DACH1: variants seen among roughly 807,000 people sequenced by gnomAD.
The protein encoded by DACH1 is dachshund family transcription factor 1, also known as dachshund homolog 1.
Under a neutral mutation model 54.2 loss-of-function variants are expected in DACH1, and 12 were observed. The ratio of observed to expected loss-of-function variants is 0.22; its 90% CI spans 0.14 to 0.36. The LOEUF (loss-of-function observed/expected upper bound fraction) is 0.36. DACH1 is among the 10% of genes least tolerant of loss of function. DACH1 has a pLI of 1.00. For missense variants in DACH1, 805 were observed against 929.8 expected, an observed-to-expected ratio of 0.87 and a Z score of 1.75; for synonymous variants, 386 against 366.2, an observed-to-expected ratio of 1.05 and a Z score of -0.62.
At chr13:71,447,252 AC>A (rs1874547125) in intron 10 of DACH1, among the ~76,000 whole-genome samples, 1 of 152,180 alleles carries the variant, frequency 6.6e-6, no homozygotes, top group Non-Finnish European at 1.5e-5. Context: ...TTTTAATACT[AC>A]AGTTGCAACC....
intron 6 of DACH1, among the ~76,000 whole-genome samples, chr13:71,541,925 G>GT (rs397720054): frequency 0.14 from 14,918 of 105,730 alleles, 1,231 homozygotes; most frequent in Non-Finnish European, 0.17. Flanking sequence ...TATTTGCCCA[G>GT]TTTTTTTTTT....
chr13:71,627,368 C>T (rs1345096419), intron 3 of DACH1, among the ~76,000 whole-genome samples: 1 of 141,246 alleles, frequency 7.1e-6, no homozygotes, highest in Non-Finnish European at 1.5e-5. Flanking sequence ...AAATGTTTAA[C>T]AGAACTTATG....
intron 4 of DACH1, among the ~76,000 whole-genome samples, chr13:71,562,513 G>A (rs537865479): frequency 1.3e-4 from 20 of 152,118 alleles, no homozygotes; most frequent in African/African-American, 3.6e-4. Context: ...TTTGTTACAC[G>A]CTAGGATACT....
chr13:71,622,328 C>G (rs1353034190), intron 3 of DACH1, among the ~76,000 whole-genome samples: 1 of 151,786 alleles, frequency 6.6e-6, no homozygotes, highest in Non-Finnish European at 1.5e-5. Context: ...ACTACAAACA[C>G]CCTAGTAAAA....
At chr13:71,619,531 G>T (rs144635196) in intron 3 of DACH1, among the ~76,000 whole-genome samples, 1 of 151,808 alleles carries the variant, frequency 6.6e-6, no homozygotes, top group East Asian at 1.9e-4. Flanking sequence ...TAACTTAATC[G>T]TCAACATTTA....
chr13:71,560,152 ACT>A (rs999175799), intron 4 of DACH1, among the ~76,000 whole-genome samples, 197 bp from the exon 5 acceptor site: 2 of 152,188 alleles, frequency 1.3e-5, no homozygotes, highest in African/African-American at 4.8e-5. Context: ...GGTCTATGAA[ACT>A]ATGGTTCTAC....
intron 3 of DACH1, among the ~76,000 whole-genome samples, chr13:71,627,349 A>G (rs1876727386): frequency 6.6e-6 from 1 of 151,874 alleles, no homozygotes; most frequent in Non-Finnish European, 1.5e-5. Context: ...AAAAAAAAAA[A>G]AAAGCCTAAA....
At chr13:71,713,501 A>C (rs558726255) in intron 1 of DACH1, among the ~76,000 whole-genome samples, 2 of 152,278 alleles carry the variant, frequency 1.3e-5, no homozygotes, top group South Asian at 4.1e-4. Context: ...GCATTAGTAA[A>C]AAACAGATGA....
chr13:71,852,361 C>T, intron 1 of DACH1, among the ~76,000 whole-genome samples: 1 of 144,628 alleles, frequency 6.9e-6, no homozygotes, highest in South Asian at 2.1e-4. Flanking sequence ...ATTTAAAGTG[C>T]TGCTTTTTTT....
At chr13:71,769,021 A>T (rs1272037123) in intron 1 of DACH1, among the ~76,000 whole-genome samples, 2 of 151,850 alleles carry the variant, frequency 1.3e-5, no homozygotes, top group African/African-American at 4.8e-5. Context: ...TGCATTAAAC[A>T]TAGCAGTTCT....
chr13:71,575,659 T>A (rs1163009747), intron 3 of DACH1, among the ~76,000 whole-genome samples: 1 of 152,080 alleles, frequency 6.6e-6, no homozygotes, highest in Non-Finnish European at 1.5e-5. Flanking sequence ...TGTTTTTGCG[T>A]CACAGATATC....
chr13:71,723,830 A>G (rs1009289417), intron 1 of DACH1, among the ~76,000 whole-genome samples: 2 of 152,066 alleles, frequency 1.3e-5, no homozygotes, highest in African/African-American at 2.4e-5. Flanking sequence ...AGCTTGGATT[A>G]CAGGCAAGTG....
Position 71,866,192 on chromosome 13 carries a change from A to G in DACH1, c.578T>C (p.Leu193Pro), listed in dbSNP as rs1874743741. Residue 193 changes from leucine to proline, a missense_variant, in exon 1 of 11, where the codon CTG (leucine) becomes CCG (proline). Physicochemically the swap from Leu to Pro is moderately conservative, Grantham distance 98. Coordinates refer to ENST00000613252, the MANE Select transcript of DACH1 (RefSeq NM_080759.6). ...GAAGGAAGCCACTTTGGCCCCCCTC[A>G]GATCCACCATTTTGCACTCATTATT... is the stretch of plus-strand genomic sequence containing the variant. ...PQNNECKMVD[L>P]RGAKVASFTV... 6.2e-7 allele frequency: 1 copy of G among 1,612,764 alleles called. No individual in the cohort carries two copies. Among genetic ancestry groups the G allele is most frequent in the Non-Finnish European group, 8.5e-7 (1 of 1,179,436 alleles).
chr13:71,536,873 C>T (rs1378944444), intron 6 of DACH1, among the ~76,000 whole-genome samples: 3 of 152,048 alleles, frequency 2.0e-5, no homozygotes, highest in African/African-American at 4.8e-5. Context: ...ATTGCCAACA[C>T]CCTAGTCAAA....
intron 1 of DACH1, among the ~76,000 whole-genome samples, chr13:71,855,588 C>T (rs1156296121): frequency 6.6e-6 from 1 of 151,964 alleles, no homozygotes; most frequent in African/African-American, 2.4e-5. Flanking sequence ...CTTCAGCTGT[C>T]CAACTTAGGC....
At chr13:71,471,211 A>C (rs1373604752) in intron 10 of DACH1, among the ~76,000 whole-genome samples, 1 of 151,452 alleles carries the variant, frequency 6.6e-6, no homozygotes, top group Non-Finnish European at 1.5e-5. Flanking sequence ...GAGGGAGGGA[A>C]ATGTCACGCT....
intron 1 of DACH1, among the ~76,000 whole-genome samples, chr13:71,691,634 G>T (rs1334455018): frequency 2.0e-5 from 3 of 152,170 alleles, no homozygotes; most frequent in Non-Finnish European, 4.4e-5. Flanking sequence ...GTGAACCATG[G>T]CAATCTGGCT....
intron 6 of DACH1, among the ~76,000 whole-genome samples, chr13:71,533,599 A>G (rs1289008558): frequency 6.6e-6 from 1 of 151,928 alleles, no homozygotes; most frequent in African/African-American, 2.4e-5. Context: ...CCTTTTCTAC[A>G]TTTTCCTATA....
At chr13:71,529,802 T>C (rs969108581) in intron 6 of DACH1, among the ~76,000 whole-genome samples, 2 of 152,146 alleles carry the variant, frequency 1.3e-5, no homozygotes, top group Non-Finnish European at 2.9e-5. Context: ...TTTATTTTTA[T>C]TTTTGCCAAA....
Sources: allele counts gnomAD v4.1 joint callset (sites outside exome capture counted in the v4.1 genomes callset), GRCh38; gene constraint gnomAD v4.1.1; transcripts MANE v1.5; gene names NCBI Gene and HGNC (gene_info 2026-07-23, HGNC 2026-07-21).